Variants in NBAS observed in about 807,000 individuals in gnomAD.
The protein encoded by NBAS is NBAS subunit of NRZ tethering complex, also known as NAG/BC035112 fusion.
Under a neutral mutation model 302.5 loss-of-function variants are expected in NBAS, and 219 were observed. The observed-to-expected ratio is 0.72, with a 90% CI of 0.65 to 0.81. The LOEUF (loss-of-function observed/expected upper bound fraction) is 0.81, where lower values mean the gene tolerates loss of function less well. Ranked by LOEUF, NBAS falls within the 30% of genes least tolerant of loss-of-function variation. The pLI, the probability that NBAS is intolerant of heterozygous loss-of-function variation, is 0.00. For synonymous variants in NBAS, 1,118 were observed against 1,021.6 expected (o/e 1.09, Z -1.80); for missense variants, 2,932 against 2,841.6 (o/e 1.03, Z -0.72).
chr2:15,556,944 T>A, intron 2 of NBAS, 125 bp from the exon 3 acceptor site: 1 of 752,872 alleles, frequency 1.3e-6, no homozygotes, highest in South Asian at 1.6e-5. Context: ...AATAAAGAAC[T>A]CAAGTCTTAA....
intron 31 of NBAS, 140 bp from the exon 32 acceptor site, chr2:15,366,833 G>C (rs890683311): frequency 9.2e-6 from 7 of 759,176 alleles, no homozygotes; most frequent in East Asian, 2.6e-5. Flanking sequence ...AAAGTAAAAG[G>C]CACGTTTAAC....
At chr2:14,794,716 CA>C in the NBAS span, among the ~76,000 whole-genome samples, 2 of 152,106 alleles carry the variant, frequency 1.3e-5, no homozygotes, top group African/African-American at 4.8e-5. Flanking sequence ...TCCATAATCT[CA>C]AAAAATTTCC....
chr2:15,436,571 G>A (rs544961386), intron 21 of NBAS, among the ~76,000 whole-genome samples: 1 of 152,228 alleles, frequency 6.6e-6, no homozygotes, highest in Admixed American at 6.5e-5. Flanking sequence ...AATATGGCAC[G>A]TTAACCTCAT....
chr2:15,065,079 A>C, the NBAS span, among the ~76,000 whole-genome samples: 2 of 152,196 alleles, frequency 1.3e-5, no homozygotes, highest in Non-Finnish European at 2.9e-5. Flanking sequence ...ATAGGTATAG[A>C]AAAAATTTAC....
chr2:14,850,350 A>T, the NBAS span, among the ~76,000 whole-genome samples: 2 of 107,710 alleles, frequency 1.9e-5, no homozygotes, highest in Non-Finnish European at 3.4e-5. Context: ...ACATAATGGT[A>T]AAGGGATCAA....
chr2:15,087,080 G>A, the NBAS span, among the ~76,000 whole-genome samples: 2 of 151,856 alleles, frequency 1.3e-5, no homozygotes, highest in Admixed American at 6.6e-5. Flanking sequence ...GACTTGAACT[G>A]AAACACCAAT....
the NBAS span, among the ~76,000 whole-genome samples, chr2:14,931,821 A>C: frequency 6.6e-6 from 1 of 152,178 alleles, no homozygotes; most frequent in Non-Finnish European, 1.5e-5. Context: ...ACTCCCTTCC[A>C]TCAAGGTATT....
At chr2:15,166,721 G>A (rs1318450175), downstream of NBAS, among the ~76,000 whole-genome samples, 4 of 152,144 alleles carry the variant, frequency 2.6e-5, no homozygotes, top group East Asian at 7.7e-4. Flanking sequence ...CCTTCCTAAT[G>A]CCACCCCATC....
chr2:14,921,553 C>G, the NBAS span, among the ~76,000 whole-genome samples: 1 of 152,112 alleles, frequency 6.6e-6, no homozygotes, highest in Non-Finnish European at 1.5e-5. Flanking sequence ...AATGCAAACA[C>G]CTGGGAGCTT....
the NBAS span, among the ~76,000 whole-genome samples, chr2:14,915,594 G>T: frequency 1.3e-5 from 2 of 152,006 alleles, no homozygotes; most frequent in African/African-American, 2.4e-5. Context: ...ACAGAGTCTT[G>T]TTCTGTCACC....
chr2:14,807,564 A>G, the NBAS span, among the ~76,000 whole-genome samples: 1 of 152,082 alleles, frequency 6.6e-6, no homozygotes, highest in African/African-American at 2.4e-5. Flanking sequence ...TATCATCACT[A>G]TGAAACTTCA....
At chr2:15,419,840 T>C (rs1001043586) in intron 23 of NBAS, among the ~76,000 whole-genome samples, 1 of 151,638 alleles carries the variant, frequency 6.6e-6, no homozygotes, top group Non-Finnish European at 1.5e-5. Flanking sequence ...GCCTCCCGAG[T>C]AGTTGGGACT....
At chr2:14,881,406 G>A in the NBAS span, among the ~76,000 whole-genome samples, 3 of 152,126 alleles carry the variant, frequency 2.0e-5, no homozygotes, top group Non-Finnish European at 2.9e-5. Flanking sequence ...ATTATCTGTT[G>A]GGAGCTATGT....
the NBAS span, among the ~76,000 whole-genome samples, chr2:14,970,981 T>A: frequency 5.9e-5 from 9 of 152,122 alleles, no homozygotes; most frequent in Non-Finnish European, 1.2e-4. Context: ...AAGAAGTGAA[T>A]CTCTGGGAAG....
chr2:14,905,923 A>G, the NBAS span, among the ~76,000 whole-genome samples: 1 of 152,218 alleles, frequency 6.6e-6, no homozygotes, highest in Non-Finnish European at 1.5e-5. Context: ...TCTTTGTCTC[A>G]ATGTGATAGG....
chr2:15,377,404 T>C (rs2148367336), intron 30 of NBAS, among the ~76,000 whole-genome samples: 1 of 152,350 alleles, frequency 6.6e-6, no homozygotes, highest in African/African-American at 2.4e-5. Context: ...ATTTTGCATG[T>C]GCTTACCCTT....
chr2:15,377,667 G>A (rs13025319), intron 30 of NBAS, among the ~76,000 whole-genome samples: 93,840 of 151,362 alleles, frequency 0.62, 29,808 homozygotes, highest in Non-Finnish European at 0.68. Context: ...GCTGCTTCTT[G>A]GACAATGAAA....
At chr2:14,955,402 C>G in the NBAS span, among the ~76,000 whole-genome samples, 1 of 152,168 alleles carries the variant, frequency 6.6e-6, no homozygotes, top group Non-Finnish European at 1.5e-5. Flanking sequence ...ATTTACCATT[C>G]TGGGGTCTGG....
chr2:14,951,011 A>G, the NBAS span, among the ~76,000 whole-genome samples: 1 of 152,222 alleles, frequency 6.6e-6, no homozygotes, highest in South Asian at 2.1e-4. Context: ...TCTGTAGCCA[A>G]AAGTACTCAC....
Sources: allele counts gnomAD v4.1 joint callset (sites outside exome capture counted in the v4.1 genomes callset), GRCh38; gene constraint gnomAD v4.1.1; transcripts MANE v1.5; gene names NCBI Gene and HGNC (gene_info 2026-07-23, HGNC 2026-07-21).